LSAMP: variants seen among roughly 807,000 people sequenced by gnomAD.
LSAMP encodes the protein limbic system associated membrane protein, also known as limbic system-associated membrane protein.
In LSAMP, 7 loss-of-function variants were observed where a neutral mutation model predicts 38.6. The observed-to-expected ratio is 0.18, with a 90% CI of 0.10 to 0.34. The LOEUF (loss-of-function observed/expected upper bound fraction) is 0.34. Ranked by LOEUF, LSAMP falls within the 10% of genes least tolerant of loss-of-function variation. LSAMP has a pLI of 1.00. For synonymous variants in LSAMP, 154 were observed against 166.8 expected, an observed-to-expected ratio of 0.92 and a Z score of 0.59; for missense variants, 313 against 420.0, an observed-to-expected ratio of 0.75 and a Z score of 2.23.
At chr3:116,233,463 A>G (rs2867103) in intron 1 of LSAMP, among the ~76,000 whole-genome samples, 145,812 of 147,744 alleles carry the variant, frequency 0.99, 71,993 homozygotes, top group Middle Eastern at 1. Flanking sequence ...TATATATAAT[A>G]TTTCTTTGTG....
chr3:116,173,602 A>T (rs1177416091), intron 1 of LSAMP, among the ~76,000 whole-genome samples: 2 of 152,024 alleles, frequency 1.3e-5, no homozygotes, highest in Non-Finnish European at 2.9e-5. Flanking sequence ...TACACATACT[A>T]GGTTTCTATT....
chr3:116,100,828 T>A (rs1372665975), intron 1 of LSAMP, among the ~76,000 whole-genome samples: 2 of 152,212 alleles, frequency 1.3e-5, no homozygotes, highest in Non-Finnish European at 2.9e-5. Flanking sequence ...AATTTTATGC[T>A]TTATTCAGAC....
At chr3:115,913,873 G>A (rs766761836) in intron 3 of LSAMP, among the ~76,000 whole-genome samples, 9 of 152,042 alleles carry the variant, frequency 5.9e-5, no homozygotes, top group African/African-American at 1.2e-4. Flanking sequence ...TCTATGTCAC[G>A]CTGAATGAAC....
At chr3:115,944,451 C>T (rs1007273750) in intron 3 of LSAMP, among the ~76,000 whole-genome samples, 21 of 152,044 alleles carry the variant, frequency 1.4e-4, no homozygotes, top group Non-Finnish European at 1.2e-4. Context: ...GAAACTCCAT[C>T]CTCTTATAGT....
Position 116,346,180 on chromosome 3 carries a change from C to A in LSAMP, c.155+98697G>T, listed in dbSNP as rs114907861. On this transcript the variant is annotated intron_variant, in intron 1 of 6. Transcript: ENST00000490035. ...TTTTTCATTGCAAATAACCATATCTCCATTTCAAGAAGATGGATTCCGCTT... is the reference window on the plus strand; with the variant it reads ...TTTTTCATTGCAAATAACCATATCTACATTTCAAGAAGATGGATTCCGCTT... Among the ~76,000 whole-genome samples the A allele has an allele frequency of 5.0e-3, 758 of 152,210 alleles. 6 individuals carry two copies. The highest frequency in any genetic ancestry group is 0.017 in the African/African-American group (717 of 41,522).
At chr3:116,173,407 G>A (rs530791550) in intron 1 of LSAMP, among the ~76,000 whole-genome samples, 1 of 151,948 alleles carries the variant, frequency 6.6e-6, no homozygotes, top group East Asian at 1.9e-4. Context: ...ACCAACTTGG[G>A]GATAACAAAG....
intron 1 of LSAMP, among the ~76,000 whole-genome samples, chr3:116,292,486 C>A (rs1212560442): frequency 6.6e-6 from 1 of 152,166 alleles, no homozygotes; most frequent in African/African-American, 2.4e-5. Flanking sequence ...GGTCTCTAAT[C>A]TGAACCCAGC....
chr3:116,403,580 TA>T (rs1211291627), intron 1 of LSAMP, among the ~76,000 whole-genome samples: 1 of 152,168 alleles, frequency 6.6e-6, no homozygotes, highest in African/African-American at 2.4e-5. Flanking sequence ...AAAATTTAGC[TA>T]AAAGTCTAAT....
At chr3:115,974,993 G>T (rs1331580679) in intron 3 of LSAMP, among the ~76,000 whole-genome samples, 1 of 152,098 alleles carries the variant, frequency 6.6e-6, no homozygotes, top group African/African-American at 2.4e-5. Flanking sequence ...AACAGTAAGG[G>T]GCAAGAGAAG....
intron 1 of LSAMP, among the ~76,000 whole-genome samples, chr3:116,427,452 A>G (rs2049217567): frequency 6.6e-6 from 1 of 152,200 alleles, no homozygotes. Context: ...ACATGTCCAT[A>G]GAAACACATC....
intron 3 of LSAMP, among the ~76,000 whole-genome samples, chr3:116,005,495 T>G (rs1940130414): frequency 6.6e-6 from 1 of 152,068 alleles, no homozygotes; most frequent in Non-Finnish European, 1.5e-5. Flanking sequence ...AACCACACCT[T>G]TGACAGGAAA....
intron 3 of LSAMP, among the ~76,000 whole-genome samples, chr3:115,880,558 G>C (rs1165611072): frequency 1.3e-5 from 2 of 152,024 alleles, no homozygotes; most frequent in South Asian, 2.1e-4. Context: ...AAAGGACTAC[G>C]CTGAAAATTC....
rs572739560 is a variant in LSAMP, at chr3:115,837,591, G to C, written c.919+4254C>G. On this transcript the variant is annotated intron_variant, in intron 6 of 6. Transcript: ENST00000490035. The stretch of plus-strand genomic sequence containing the variant: ...AAAATGGAAGTGGGAGGCAACACAA[G>C]CAGTGCCCTTGGGTGGGAAGGGATG... Among the ~76,000 whole-genome samples the C allele has an allele frequency of 5.8e-4, 88 of 152,184 alleles. 1 individual carries two copies. Among genetic ancestry groups the C allele is most frequent in the African/African-American group, 2.0e-3 (85 of 41,500 alleles).
intron 1 of LSAMP, among the ~76,000 whole-genome samples, chr3:116,375,063 A>G (rs2048477663): frequency 6.6e-6 from 1 of 151,968 alleles, no homozygotes; most frequent in Admixed American, 6.6e-5. Context: ...AGTTCATATC[A>G]TGAGGAACGA....
rs1559851947 is a variant in LSAMP, at chr3:115,854,288, T to TA, written c.515-1672_515-1671insT. ...TATTATTATTATTATTATTATTTTT[T>TA]TTTTTTTTTTTTGAGATGGAGTCCC... On this transcript the variant is annotated intron_variant, in intron 3 of 6. Transcript: ENST00000490035. Among the ~76,000 whole-genome samples, 1,238 of 125,912 alleles carry TA rather than the reference T, an allele frequency of 9.8e-3. 10 individuals are homozygous for TA. Among genetic ancestry groups the TA allele is most frequent in the East Asian group, 0.049 (216 of 4,370 alleles). 82.6% of individuals were successfully genotyped at this position (125,912 alleles called of 152,430 possible). A position where few individuals can be genotyped will look rare whatever the true frequency, so the allele number is the denominator to read the frequency against.
chr3:116,021,724 T>C (rs1489570400), intron 2 of LSAMP, among the ~76,000 whole-genome samples: 1 of 151,282 alleles, frequency 6.6e-6, no homozygotes, highest in Non-Finnish European at 1.5e-5. Context: ...CCATGCAAAT[T>C]TATAAAACAG....
intron 4 of LSAMP, among the ~76,000 whole-genome samples, chr3:115,845,197 TA>T (rs1935115451): frequency 6.6e-6 from 1 of 152,200 alleles, no homozygotes; most frequent in South Asian, 2.1e-4. Flanking sequence ...AGCAGTAGAA[TA>T]CTCAATAAAT....
At chr3:116,128,836 C>T (rs1455803763) in intron 1 of LSAMP, among the ~76,000 whole-genome samples, 1 of 152,176 alleles carries the variant, frequency 6.6e-6, no homozygotes, top group Non-Finnish European at 1.5e-5. Context: ...TTCTCACTTT[C>T]ATGTGATCTC....
intron 1 of LSAMP, among the ~76,000 whole-genome samples, chr3:116,359,534 C>A (rs2048274127): frequency 1.3e-5 from 2 of 152,324 alleles, no homozygotes; most frequent in East Asian, 1.9e-4. Flanking sequence ...TCATATTACC[C>A]TGGACAACAA....
Sources: gnomAD v4.1 joint callset for allele counts (sites outside exome capture counted in the v4.1 genomes callset) on GRCh38, gnomAD v4.1.1 for gene constraint, MANE v1.5 for transcripts, NCBI Gene and HGNC (gene_info 2026-07-23, HGNC 2026-07-21) for gene names.